Variants in CDH12 observed in about 807,000 individuals in gnomAD.
CDH12 encodes the protein cadherin-12.
Under a neutral mutation model 74.1 loss-of-function variants are expected in CDH12, and 41 were observed. That is an observed-to-expected ratio of 0.55 (90% CI 0.43 to 0.72). The LOEUF is 0.72. CDH12 is among the 30% of genes least tolerant of loss of function. The probability of loss-of-function intolerance (pLI) is 0.00; values close to 1 mark genes in which losing one functional copy is unlikely to be tolerated. For missense variants in CDH12, 945 were observed against 977.2 expected (o/e 0.97, Z 0.44); for synonymous variants, 399 against 355.0 (o/e 1.12, Z -1.39).
At chr5:22,424,002 C>CAAAAAAAA (rs1165781089) in intron 2 of CDH12, among the ~76,000 whole-genome samples, 30 of 31,202 alleles carry the variant, frequency 9.6e-4, no homozygotes, top group East Asian at 4.3e-3. Context: ...GACTCTGTCT[C>CAAAAAAAA]AAAAAAAAAA....
At chr5:22,180,770 G>T (rs1749600618) in intron 4 of CDH12, among the ~76,000 whole-genome samples, 1 of 151,892 alleles carries the variant, frequency 6.6e-6, no homozygotes, top group African/African-American at 2.4e-5. Flanking sequence ...CAAAGTGCTG[G>T]GATTATGGGC....
At chr5:22,637,265 T>A (rs1189674404) in intron 1 of CDH12, among the ~76,000 whole-genome samples, 3 of 152,218 alleles carry the variant, frequency 2.0e-5, no homozygotes, top group Non-Finnish European at 2.9e-5. Context: ...CTTAAAACAT[T>A]TTTACTACTG....
chr5:22,174,929 C>A (rs367573357), intron 4 of CDH12, among the ~76,000 whole-genome samples: 23 of 151,858 alleles, frequency 1.5e-4, no homozygotes, highest in African/African-American at 5.3e-4. Context: ...ACACTAACAA[C>A]CATCTCAAGG....
intron 3 of CDH12, among the ~76,000 whole-genome samples, chr5:22,254,236 A>G (rs1753229818): frequency 1.3e-5 from 2 of 151,942 alleles, no homozygotes; most frequent in African/African-American, 2.4e-5. Flanking sequence ...GATTAAATGA[A>G]GGTACAGAAT....
chr5:22,640,022 T>C (rs1216070788), intron 1 of CDH12, among the ~76,000 whole-genome samples: 1 of 152,120 alleles, frequency 6.6e-6, no homozygotes. Flanking sequence ...ATAACAACCA[T>C]ATGCAGGGAG....
Position 22,603,715 on chromosome 5 carries a change from C to T in CDH12, c.-522-98351G>A, listed in dbSNP as rs554623863. On this transcript the variant is annotated intron_variant, in intron 1 of 14. Coordinates refer to ENST00000382254, the MANE Select transcript of CDH12 (RefSeq NM_004061.5). ...ATCTCAGAACGGACCTTGTGGTTTA[C>T]GACAGGACTTCAATAAAACCAGATT... Among the ~76,000 whole-genome samples, 74 of 151,952 alleles carry T rather than the reference C, an allele frequency of 4.9e-4. 2 individuals are homozygous for T. The South Asian group carries it at 9.6e-3, about 20-fold the overall frequency.
At position 22,241,733 on chromosome 5, in the gene CDH12, C is replaced by G. The variant is rs979394134; in HGVS notation, c.-332-29090G>C. On this transcript the variant is annotated intron_variant, in intron 3 of 14. Coordinates refer to ENST00000382254, the MANE Select transcript of CDH12 (RefSeq NM_004061.5). ...TTCCTGACCATGATGGCTATGAGTA[C>G]TAATTAAAATATTATTGATAAATAT... Among the ~76,000 whole-genome samples, 3 of 151,846 alleles carry G rather than the reference C, an allele frequency of 2.0e-5. No individual in the cohort carries two copies. In the East Asian group the frequency reaches 5.8e-4, roughly 29 times the overall value.
At position 22,767,856 on chromosome 5, in the gene CDH12, A is replaced by G. The variant is rs148299754; in HGVS notation, c.-523+85202T>C. ...ATAATAAATTATACCTGGGGGCTTTAGAATTTCCTCATTTTTAAAGGCAGC... is the reference window on the plus strand; with the variant it reads ...ATAATAAATTATACCTGGGGGCTTTGGAATTTCCTCATTTTTAAAGGCAGC... On this transcript the variant is annotated intron_variant, in intron 1 of 14. Coordinates refer to ENST00000382254, the MANE Select transcript of CDH12 (RefSeq NM_004061.5). 2.5e-3 allele frequency among the ~76,000 whole-genome samples: 375 copies of G among 152,130 alleles called. 11 individuals are homozygous for G. The East Asian group carries it at 0.065, about 26-fold the overall frequency.
intron 3 of CDH12, among the ~76,000 whole-genome samples, chr5:22,378,721 A>G (rs947705907): frequency 5.3e-5 from 8 of 152,114 alleles, no homozygotes; most frequent in African/African-American, 1.9e-4. Flanking sequence ...AATAAAATCA[A>G]TAGAAACATA....
intron 1 of CDH12, among the ~76,000 whole-genome samples, chr5:22,675,805 C>T (rs1741141747): frequency 7.1e-6 from 1 of 140,476 alleles, no homozygotes; most frequent in African/African-American, 2.6e-5. Flanking sequence ...TCTTTATCAG[C>T]AGTGTGAAAA....
chr5:22,174,346 T>C (rs1430476061), intron 4 of CDH12, among the ~76,000 whole-genome samples: 8 of 152,112 alleles, frequency 5.3e-5, no homozygotes, highest in Non-Finnish European at 1.2e-4. Flanking sequence ...AATTTAATAG[T>C]AAGTTAAAAT....
At chr5:22,599,684 A>C (rs1736763259) in intron 1 of CDH12, among the ~76,000 whole-genome samples, 1 of 152,156 alleles carries the variant, frequency 6.6e-6, no homozygotes. Context: ...CTATCCTATA[A>C]GGAAGCTTCC....
chr5:22,390,014 T>TACAC (rs70959727), intron 3 of CDH12, among the ~76,000 whole-genome samples: 6,729 of 150,082 alleles, frequency 0.045, 321 homozygotes, highest in African/African-American at 0.11. Context: ...GTAGTCAGAA[T>TACAC]ACACACACAC....
intron 5 of CDH12, among the ~76,000 whole-genome samples, chr5:22,052,865 G>A (rs1740471970): frequency 6.6e-6 from 1 of 152,056 alleles, no homozygotes; most frequent in Non-Finnish European, 1.5e-5. Context: ...TCAATTCCAA[G>A]AGGATTTTCA....
chr5:22,506,273 A>T (rs939220030), intron 1 of CDH12, among the ~76,000 whole-genome samples: 5 of 151,014 alleles, frequency 3.3e-5, no homozygotes, highest in African/African-American at 1.2e-4. Context: ...ATTTTCTGAG[A>T]GAAATTTACC....
intron 4 of CDH12, among the ~76,000 whole-genome samples, chr5:22,184,131 T>A (rs1036767160): frequency 1.3e-5 from 2 of 151,822 alleles, no homozygotes; most frequent in Non-Finnish European, 2.9e-5. Flanking sequence ...CTTAACTCGG[T>A]TTTTTTTGTT....
Position 21,938,723 on chromosome 5 carries a change from CATAT to C in CDH12, c.526+36364_526+36367del, listed in dbSNP as rs545475183. On this transcript the variant is annotated intron_variant, in intron 6 of 14. Transcript: ENST00000382254. ...TATAATATTTTATATATATAATATA[CATAT>C]ATATATATATATATATATATATCTT... is the stretch of plus-strand genomic sequence containing the variant. 7.9e-3 allele frequency among the ~76,000 whole-genome samples: 887 copies of C among 112,038 alleles called. 29 individuals carry two copies. Among genetic ancestry groups the C allele is most frequent in the African/African-American group, 8.9e-3 (223 of 25,144 alleles). 73.5% of individuals were successfully genotyped at this position (112,038 alleles called of 152,430 possible).
chr5:22,251,590 G>A (rs1428851264), intron 3 of CDH12, among the ~76,000 whole-genome samples: 1 of 152,146 alleles, frequency 6.6e-6, no homozygotes, highest in Non-Finnish European at 1.5e-5. Flanking sequence ...TAAAAATAGG[G>A]ATGCTGTGTA....
intron 1 of CDH12, among the ~76,000 whole-genome samples, chr5:22,712,332 GTTTGT>G (rs1561595549): frequency 2.0e-5 from 3 of 151,754 alleles, no homozygotes; most frequent in African/African-American, 7.3e-5. Context: ...ACTAATAAAA[GTTTGT>G]TTTATTATTT....
Sources: gnomAD v4.1 joint callset for allele counts (sites outside exome capture counted in the v4.1 genomes callset) on GRCh38, gnomAD v4.1.1 for gene constraint, MANE v1.5 for transcripts, NCBI Gene and HGNC (gene_info 2026-07-23, HGNC 2026-07-21) for gene names.